ASB5: variants seen among roughly 807,000 people sequenced by gnomAD.
The protein encoded by ASB5 is ankyrin repeat and SOCS box protein 5.
In ASB5, 45 loss-of-function variants were observed where a neutral mutation model predicts 42.1. The observed-to-expected ratio is 1.07, with a 90% CI of 0.84 to 1.37. The LOEUF (loss-of-function observed/expected upper bound fraction) is 1.37, where lower values mean the gene tolerates loss of function less well. ASB5 is among the 40% of genes most tolerant of loss of function. ASB5 has a pLI of 0.00. For missense variants in ASB5, 402 were observed against 399.8 expected, an observed-to-expected ratio of 1.01 and a Z score of -0.05; for synonymous variants, 147 against 150.6, an observed-to-expected ratio of 0.98 and a Z score of 0.18.
intron 1 of ASB5, among the ~76,000 whole-genome samples, chr4:176,234,825 A>T (rs1230821094): frequency 6.6e-6 from 1 of 152,138 alleles, no homozygotes; most frequent in Non-Finnish European, 1.5e-5. Flanking sequence ...CAGTTTCCTC[A>T]CTATAAAATG....
upstream of ASB5, among the ~76,000 whole-genome samples, chr4:176,272,495 G>A (rs192861547): frequency 4.5e-4 from 69 of 152,186 alleles, no homozygotes; most frequent in Middle Eastern, 3.4e-3. Flanking sequence ...AAGAAGAAAC[G>A]CTCCCTGGCT....
chr4:176,215,412 C>A lies in ASB5; in HGVS notation c.*188G>T. On this transcript the variant is annotated 3_prime_UTR_variant, in exon 7 of 7. Transcript: ENST00000296525. ...TAGATATTATAAATATGCTATAATC[C>A]AAAGACAGCATAAATGATAAAACAA... The A allele has an allele frequency of 1.1e-5, 5 of 448,692 alleles. No individual in the cohort carries two copies. Among genetic ancestry groups the A allele is most frequent in the South Asian group, 1.3e-4 (2 of 15,264 alleles). The allele number at this position is 448,692 out of a possible 1,614,324, so 27.8% of individuals were successfully genotyped here.
Position 176,229,670 on chromosome 4 carries a change from G to A in ASB5, c.197-4329C>T, listed in dbSNP as rs1454872268. Among the ~76,000 whole-genome samples, 3 of 77,014 alleles carry A rather than the reference G, an allele frequency of 3.9e-5. 1 individual carries two copies. The highest frequency in any genetic ancestry group is 5.9e-4 in the South Asian group (2 of 3,362). 50.5% of individuals were successfully genotyped at this position (77,014 alleles called of 152,430 possible). ...TCCAAACTTAAGTCCATCAAGATGG[G>A]GACAGGAAAAAAAAAAACTGAAGCC... On this transcript the variant is annotated intron_variant, in intron 1 of 6. Coordinates refer to ENST00000296525, the MANE Select transcript of ASB5 (RefSeq NM_080874.4).
At chr4:176,275,207 A>G (rs1754543387) in intron 2 of ASB5, among the ~76,000 whole-genome samples, 1 of 152,076 alleles carries the variant, frequency 6.6e-6, no homozygotes, top group Admixed American at 6.6e-5. Flanking sequence ...AAGCCTCCGC[A>G]TCAGGCCCTG....
At chr4:176,237,430 G>A (rs1561259307) in intron 1 of ASB5, 14 of 985,902 alleles carry the variant, frequency 1.4e-5, no homozygotes, top group Non-Finnish European at 1.6e-5. Context: ...TTTGGTTGAC[G>A]TTTTTTGTCT....
At chr4:176,242,565 A>T (rs1753831848) in intron 1 of ASB5, among the ~76,000 whole-genome samples, 1 of 152,226 alleles carries the variant, frequency 6.6e-6, no homozygotes, top group Admixed American at 6.5e-5. Flanking sequence ...CACTTATGGT[A>T]AAAATGTCAG....
intron 1 of ASB5, among the ~76,000 whole-genome samples, chr4:176,252,891 A>AG: frequency 6.6e-6 from 1 of 152,378 alleles, no homozygotes; most frequent in East Asian, 1.9e-4. Context: ...TTCTCTACAA[A>AG]GGAAGCATAA....
At chr4:176,219,591 T>TATATATAA (rs1753137177) in intron 5 of ASB5, among the ~76,000 whole-genome samples, 1 of 49,126 alleles carries the variant, frequency 2.0e-5, no homozygotes, top group African/African-American at 6.0e-5. Flanking sequence ...TATATATATA[T>TATATATAA]ATATATATAT....
chr4:176,252,253 A>G (rs1754056581), intron 1 of ASB5, among the ~76,000 whole-genome samples: 2 of 151,954 alleles, frequency 1.3e-5, no homozygotes, highest in African/African-American at 2.4e-5. Flanking sequence ...TCAACTTCGG[A>G]CAGTATTGAT....
At chr4:176,229,899 C>A (rs1753482848) in intron 1 of ASB5, among the ~76,000 whole-genome samples, 1 of 152,134 alleles carries the variant, frequency 6.6e-6, no homozygotes, top group Non-Finnish European at 1.5e-5. Flanking sequence ...CAATCTCTCA[C>A]TATTCCTTGA....
chr4:176,262,761 G>A (rs1341828694), intron 1 of ASB5, among the ~76,000 whole-genome samples: 2 of 152,094 alleles, frequency 1.3e-5, no homozygotes, highest in Non-Finnish European at 2.9e-5. Flanking sequence ...TAAGTGTTGG[G>A]CAAGTACATT....
Position 176,214,584 on chromosome 4 carries a change from T to C in ASB5, c.*1016A>G, listed in dbSNP as rs141339877. 2 of 152,282 alleles carry C rather than the reference T, an allele frequency of 1.3e-5. No individual in the cohort carries two copies. Among genetic ancestry groups the C allele is most frequent in the African/African-American group, 4.8e-5 (2 of 41,570 alleles). The allele number at this position is 152,282 out of a possible 1,614,324, so 9.4% of individuals were successfully genotyped here. On this transcript the variant is annotated 3_prime_UTR_variant, in exon 7 of 7. Transcript: ENST00000296525. ...AGCCCTTGTTTTGTGTAAAAAGAAT[T>C]AGAAACAGTGCGATTAAGTTCTCTA...
At chr4:176,271,400 G>T (rs1470600129), upstream of ASB5, among the ~76,000 whole-genome samples, 4 of 152,146 alleles carry the variant, frequency 2.6e-5, no homozygotes, top group Non-Finnish European at 5.9e-5. Flanking sequence ...AAAGTATTGT[G>T]CATCTATTTT....
At chr4:176,259,114 G>T (rs139621232) in intron 1 of ASB5, among the ~76,000 whole-genome samples, 6 of 152,028 alleles carry the variant, frequency 3.9e-5, no homozygotes, top group African/African-American at 1.4e-4. Context: ...GAAGGAGAGA[G>T]ATGCTTACAG....
intron 1 of ASB5, among the ~76,000 whole-genome samples, chr4:176,228,181 T>C (rs986126879): frequency 6.6e-6 from 1 of 152,196 alleles, no homozygotes; most frequent in Non-Finnish European, 1.5e-5. Flanking sequence ...GTTTCTTAGA[T>C]AGTCAGGGAA....
In ASB5 at chr4:176,268,898, T is replaced by C. The variant is rs1472489320; in HGVS notation, c.196+15A>G. 6.4e-7 allele frequency: 1 copy of C among 1,553,452 alleles called. No individual in the cohort carries two copies. The highest frequency in any genetic ancestry group is 8.7e-7 in the Non-Finnish European group (1 of 1,148,578). On this transcript the variant is annotated intron_variant, in intron 1 of 6. Transcript: ENST00000296525. The stretch of plus-strand genomic sequence containing the variant: ...AAACTCCACTTGAAACAAGAGAGGA[T>C]TATCATAAACATACCTTGTCCTTGG...
chr4:176,248,617 T>C (rs1005583655), intron 1 of ASB5, among the ~76,000 whole-genome samples: 4 of 152,194 alleles, frequency 2.6e-5, no homozygotes, highest in Non-Finnish European at 5.9e-5. Flanking sequence ...AGAAATATTG[T>C]TCATAATTGC....
intron 6 of ASB5, among the ~76,000 whole-genome samples, 180 bp downstream of exon 6, chr4:176,216,638 C>G (rs1181730391): frequency 6.6e-6 from 1 of 152,190 alleles, no homozygotes; most frequent in Non-Finnish European, 1.5e-5. Flanking sequence ...TGTGAGCCAC[C>G]ACACTCGGCT....
chr4:176,226,108 G>A (rs1753372207), intron 1 of ASB5, among the ~76,000 whole-genome samples: 1 of 152,234 alleles, frequency 6.6e-6, no homozygotes. Context: ...AATGGGTAAA[G>A]CATTGCTTAT....
Sources: allele counts gnomAD v4.1 joint callset (sites outside exome capture counted in the v4.1 genomes callset), GRCh38; gene constraint gnomAD v4.1.1; transcripts MANE v1.5; gene names NCBI Gene and HGNC (gene_info 2026-07-23, HGNC 2026-07-21).